Variants in SHROOM3 observed in about 807,000 individuals in gnomAD.
The protein encoded by SHROOM3 is shroom family member 3.
A neutral mutation model predicts 138.6 loss-of-function variants in SHROOM3; 47 were observed. The ratio of observed to expected loss-of-function variants is 0.34; its 90% CI spans 0.27 to 0.43. The LOEUF is 0.43. Ranked by LOEUF, SHROOM3 falls within the 20% of genes least tolerant of loss-of-function variation. The probability of loss-of-function intolerance (pLI) is 1.00; values close to 1 mark genes in which losing one functional copy is unlikely to be tolerated. For missense variants in SHROOM3, 2,491 were observed against 2,596.5 expected (o/e 0.96, Z 0.88); for synonymous variants, 1,062 against 1,063.3 (o/e 1.00, Z 0.02).
intron 2 of SHROOM3, among the ~76,000 whole-genome samples, chr4:76,567,373 G>A (rs1037842647): frequency 2.6e-5 from 4 of 152,066 alleles, no homozygotes; most frequent in African/African-American, 4.8e-5. Context: ...CGTCTCAGCC[G>A]GGTGCGGTGG....
At chr4:76,595,974 C>T (rs1325019441) in intron 2 of SHROOM3, among the ~76,000 whole-genome samples, 3 of 152,132 alleles carry the variant, frequency 2.0e-5, no homozygotes, top group East Asian at 1.9e-4. Context: ...TTCTCTGCTC[C>T]ATGGTTGTTT....
At position 76,564,300 on chromosome 4, in the gene SHROOM3, T is replaced by C. The variant is rs546577133; in HGVS notation, c.323+8537T>C. Among the ~76,000 whole-genome samples, 185 of 152,164 alleles carry C rather than the reference T, an allele frequency of 1.2e-3. 1 individual carries two copies. Among genetic ancestry groups the C allele is most frequent in the African/African-American group, 4.4e-3 (182 of 41,500 alleles). On this transcript the variant is annotated intron_variant, in intron 2 of 10. Coordinates refer to ENST00000296043, the MANE Select transcript of SHROOM3 (RefSeq NM_020859.4). ...CTGTGGTAACTTACCCTTCTAAACA[T>C]TTTTTCCACTTGAGCAAGTGGTTGA...
At chr4:76,506,600 T>C (rs1732216763) in intron 1 of SHROOM3, among the ~76,000 whole-genome samples, 3 of 151,950 alleles carry the variant, frequency 2.0e-5, no homozygotes. Context: ...ATCATCTTAA[T>C]CAATTATCAA....
At chr4:76,646,171 TAACA>T (rs1291362397) in intron 2 of SHROOM3, among the ~76,000 whole-genome samples, 28 of 145,952 alleles carry the variant, frequency 1.9e-4, no homozygotes, top group African/African-American at 7.1e-4. Flanking sequence ...TATACATATG[TAACA>T]AACCTGCATG....
At chr4:76,496,044 C>G (rs1731962045) in intron 1 of SHROOM3, among the ~76,000 whole-genome samples, 1 of 152,174 alleles carries the variant, frequency 6.6e-6, no homozygotes, top group Non-Finnish European at 1.5e-5. Context: ...TGTGTGATGA[C>G]CAAAATACAG....
rs142108034 is a variant in SHROOM3 at position 76,581,462 on chromosome 4, T to C, written c.323+25699T>C. On this transcript the variant is annotated intron_variant, in intron 2 of 10. Coordinates refer to ENST00000296043, the MANE Select transcript of SHROOM3 (RefSeq NM_020859.4). ...GGTTTATGTCCTACAGTTATTATAC[T>C]GGACAGGCATTGTATAATAATACTT... Among the ~76,000 whole-genome samples, 54 of 152,326 alleles carry C rather than the reference T, an allele frequency of 3.5e-4. 1 individual carries two copies. In the East Asian group the frequency reaches 9.8e-3, roughly 28 times the overall value.
rs1040017589 is a variant in SHROOM3, at chr4:76,754,269, T to C, written c.3828-42T>C. 6 of 1,613,662 alleles carry C rather than the reference T, an allele frequency of 3.7e-6. No homozygotes were observed. In the African/African-American group the frequency reaches 5.3e-5, roughly 14 times the overall value. On this transcript the variant is annotated intron_variant, in intron 6 of 10. Coordinates refer to ENST00000296043, the MANE Select transcript of SHROOM3 (RefSeq NM_020859.4). ...GAGCATTGGGCTGCATGTTTGCCCC[T>C]TTCTTCAGAGCTGTAACCCTCCTGT...
At chr4:76,620,070 CAAAAAAAAA>C (rs68039696) in intron 2 of SHROOM3, among the ~76,000 whole-genome samples, 1 of 61,104 alleles carries the variant, frequency 1.6e-5, no homozygotes, top group African/African-American at 6.0e-5. Flanking sequence ...GAATCTATCT[CAAAAAAAAA>C]AAAAAAAAAA....
intron 2 of SHROOM3, among the ~76,000 whole-genome samples, chr4:76,697,145 C>T (rs1719763660): frequency 7.3e-6 from 1 of 137,692 alleles, no homozygotes; most frequent in Admixed American, 7.9e-5. Context: ...CCAGGCTGGT[C>T]TCAAATTCCT....
rs573648263 is a variant in SHROOM3 at position 76,483,798 on chromosome 4, A to C, written c.168+47578A>C. 4.6e-5 allele frequency among the ~76,000 whole-genome samples: 7 copies of C among 152,368 alleles called. No homozygotes were observed. The South Asian group carries it at 1.5e-3, about 32-fold the overall frequency. ...AAAATATGGCACGTATATACCATGG[A>C]ATAATATACAGCCATAAAAAAGGAT... On this transcript the variant is annotated intron_variant, in intron 1 of 10. Transcript: ENST00000296043.
intron 2 of SHROOM3, among the ~76,000 whole-genome samples, chr4:76,558,997 T>G (rs1227582272): frequency 2.0e-5 from 3 of 152,194 alleles, no homozygotes; most frequent in Non-Finnish European, 2.9e-5. Flanking sequence ...CTCTCCATTT[T>G]CATTCTCGTC....
chr4:76,722,561 C>T (rs1577996038), intron 3 of SHROOM3, among the ~76,000 whole-genome samples: 1 of 151,926 alleles, frequency 6.6e-6, no homozygotes, highest in African/African-American at 2.4e-5. Flanking sequence ...GGGTACTAGG[C>T]TTAGTGCCTG....
At chr4:76,512,864 G>T (rs1048748150) in intron 1 of SHROOM3, among the ~76,000 whole-genome samples, 1 of 152,118 alleles carries the variant, frequency 6.6e-6, no homozygotes, top group Non-Finnish European at 1.5e-5. Context: ...GGTAGAAAAT[G>T]GTTAATGTTT....
chr4:76,766,888 A>C (rs1722173738), intron 9 of SHROOM3, among the ~76,000 whole-genome samples: 1 of 152,338 alleles, frequency 6.6e-6, no homozygotes, highest in Admixed American at 6.5e-5. Context: ...GAGCCATGAG[A>C]TATCACATTA....
Position 76,492,633 on chromosome 4 carries a change from C to T in SHROOM3, c.168+56413C>T, listed in dbSNP as rs187838245. Among the ~76,000 whole-genome samples, 80 of 152,224 alleles carry T rather than the reference C, an allele frequency of 5.3e-4. 1 individual carries two copies. Among genetic ancestry groups the T allele is most frequent in the Admixed American group, 5.9e-4 (9 of 15,278 alleles). On this transcript the variant is annotated intron_variant, in intron 1 of 10. Transcript: ENST00000296043. ...GCTACATAGATTCTAGTCCTGACTCCGCATTAATAACTGCCACTCAGGGAA... is the reference window on the plus strand; with the variant it reads ...GCTACATAGATTCTAGTCCTGACTCTGCATTAATAACTGCCACTCAGGGAA...
chr4:76,548,193 C>T (rs935021458), intron 1 of SHROOM3, among the ~76,000 whole-genome samples: 32 of 152,108 alleles, frequency 2.1e-4, no homozygotes, highest in Admixed American at 2.1e-3. Flanking sequence ...CTGCCATGCT[C>T]CCTGTGCCGC....
chr4:76,734,739 T>C (rs2110130548), intron 4 of SHROOM3, among the ~76,000 whole-genome samples: 1 of 152,312 alleles, frequency 6.6e-6, no homozygotes, highest in African/African-American at 2.4e-5. Context: ...AATACATACA[T>C]CTACCACAGA....
intron 3 of SHROOM3, among the ~76,000 whole-genome samples, chr4:76,710,712 G>A (rs1394485334): frequency 6.6e-6 from 1 of 152,088 alleles, no homozygotes; most frequent in Admixed American, 6.5e-5. Context: ...AAATTTCTCG[G>A]AGGAATGTCC....
chr4:76,489,338 A>G, intron 1 of SHROOM3, among the ~76,000 whole-genome samples: 1 of 152,222 alleles, frequency 6.6e-6, no homozygotes, highest in Non-Finnish European at 1.5e-5. Context: ...AGAGCAGTTA[A>G]AAGTTAAAGA....
Sources: allele counts gnomAD v4.1 joint callset (sites outside exome capture counted in the v4.1 genomes callset), GRCh38; gene constraint gnomAD v4.1.1; transcripts MANE v1.5; gene names NCBI Gene and HGNC (gene_info 2026-07-23, HGNC 2026-07-21).